The following AGBL3 variants were observed in gnomAD, a reference collection of about 807,000 sequenced individuals.
AGBL3 encodes the protein cytosolic carboxypeptidase 3.
In AGBL3, 68 loss-of-function variants were observed where a neutral mutation model predicts 94.5. That is an observed-to-expected ratio of 0.72 (90% CI 0.59 to 0.88). AGBL3 has a LOEUF of 0.88. Ranked by LOEUF, AGBL3 falls within the 40% of genes least tolerant of loss-of-function variation. The probability of loss-of-function intolerance (pLI) is 0.00; values close to 1 mark genes in which losing one functional copy is unlikely to be tolerated. For missense variants in AGBL3, 934 were observed against 1,103.8 expected (o/e 0.85, Z 2.18); for synonymous variants, 354 against 370.7 (o/e 0.95, Z 0.52).
intron 7 of AGBL3, 145 bp from the exon 8 acceptor site, chr7:135,037,273 T>C: frequency 1.8e-6 from 1 of 550,644 alleles, no homozygotes; most frequent in Non-Finnish European, 2.8e-6. Context: ...AAAAATTGTA[T>C]ATTAATAATA....
chr7:135,051,427 T>G (rs971890636), intron 11 of AGBL3, among the ~76,000 whole-genome samples: 1 of 152,130 alleles, frequency 6.6e-6, no homozygotes, highest in Non-Finnish European at 1.5e-5. Flanking sequence ...TTGACATGAC[T>G]CTCATAGTCT....
intron 5 of AGBL3, among the ~76,000 whole-genome samples, chr7:135,019,676 C>T (rs1814207966): frequency 6.6e-6 from 1 of 152,136 alleles, no homozygotes; most frequent in African/African-American, 2.4e-5. Context: ...TACTACAAGG[C>T]TACAGTAACC....
At chr7:135,090,510 C>G (rs2116904504) in intron 15 of AGBL3, among the ~76,000 whole-genome samples, 1 of 152,254 alleles carries the variant, frequency 6.6e-6, no homozygotes, top group South Asian at 2.1e-4. Flanking sequence ...ACCGATCCTC[C>G]AAGGGGAAAT....
In AGBL3 at chr7:135,070,309, G is replaced by A. The variant is rs1296626046; in HGVS notation, c.1909-6088G>A. On this transcript the variant is annotated intron_variant, in intron 12 of 16. Coordinates refer to ENST00000436302, the MANE Select transcript of AGBL3 (RefSeq NM_178563.4). ...TCTACCAGATGTACAAGGAGGAGCT[G>A]GTACCATTCCTTCTGAAACTATTCC... Among the ~76,000 whole-genome samples, 3 of 152,128 alleles carry A rather than the reference G, an allele frequency of 2.0e-5. No individual in the cohort carries two copies. The East Asian group carries it at 5.8e-4, about 29-fold the overall frequency.
intron 15 of AGBL3, among the ~76,000 whole-genome samples, chr7:135,111,735 A>C (rs560538470): frequency 1.1e-4 from 17 of 152,174 alleles, no homozygotes; most frequent in Non-Finnish European, 2.5e-4. Context: ...CATGTAGGAC[A>C]TCACCTCTGC....
At chr7:135,109,215 T>C (rs944287021) in intron 15 of AGBL3, among the ~76,000 whole-genome samples, 1 of 152,228 alleles carries the variant, frequency 6.6e-6, no homozygotes, top group Non-Finnish European at 1.5e-5. Flanking sequence ...AGAACCCTGG[T>C]TGGAGAACTG....
intron 4 of AGBL3, among the ~76,000 whole-genome samples, chr7:135,005,246 C>T (rs910593112): frequency 2.6e-5 from 4 of 151,690 alleles, no homozygotes; most frequent in Admixed American, 6.6e-5. Context: ...TTTTGAGGTA[C>T]ATTTTACAAA....
intron 15 of AGBL3, among the ~76,000 whole-genome samples, chr7:135,103,037 C>A (rs910746175): frequency 6.6e-6 from 1 of 152,100 alleles, no homozygotes; most frequent in Non-Finnish European, 1.5e-5. Context: ...TTGTTTTATA[C>A]CTATGTCATT....
rs1809473150 is a variant in AGBL3 at position 134,986,646 on chromosome 7, G to A, written c.-115G>A. 6.6e-6 allele frequency: 1 copy of A among 152,312 alleles called. No homozygotes were observed. Among genetic ancestry groups the A allele is most frequent in the Admixed American group, 6.5e-5 (1 of 15,292 alleles). The allele number at this position is 152,312 out of a possible 1,614,324, so 9.4% of individuals were successfully genotyped here. A position where few individuals can be genotyped will look rare whatever the true frequency, so the allele number is the denominator to read the frequency against. The stretch of plus-strand genomic sequence containing the variant: ...TTCTCCCCGCACGGAAGCGACGACT[G>A]GCCTGGCCAGAGGACTCGCGTGGGA... On this transcript the variant is annotated 5_prime_UTR_variant, in exon 1 of 17. Coordinates refer to ENST00000436302, the MANE Select transcript of AGBL3 (RefSeq NM_178563.4).
chr7:135,036,656 G>A (rs1409956967), intron 7 of AGBL3, among the ~76,000 whole-genome samples: 3 of 152,160 alleles, frequency 2.0e-5, no homozygotes, highest in Admixed American at 2.0e-4. Context: ...ATCTTTAAGT[G>A]CTACCGAAGC....
chr7:135,028,453 C>G (rs941879827), intron 5 of AGBL3, among the ~76,000 whole-genome samples: 15 of 152,194 alleles, frequency 9.9e-5, no homozygotes, highest in African/African-American at 3.6e-4. Flanking sequence ...TAAGAAACCA[C>G]TTTCTTTGCT....
intron 16 of AGBL3, among the ~76,000 whole-genome samples, chr7:135,134,178 A>G (rs1407827550): frequency 6.6e-6 from 1 of 152,116 alleles, no homozygotes. Flanking sequence ...ATATTGTTCT[A>G]TGGTTTTGCA....
chr7:135,053,991 AT>A (rs1236052793), intron 11 of AGBL3, among the ~76,000 whole-genome samples: 1 of 152,208 alleles, frequency 6.6e-6, no homozygotes, highest in East Asian at 1.9e-4. Context: ...TATATTAATT[AT>A]TTAAAAATTT....
At chr7:134,997,462 T>C (rs946864124) in intron 4 of AGBL3, among the ~76,000 whole-genome samples, 29 of 152,190 alleles carry the variant, frequency 1.9e-4, no homozygotes, top group Admixed American at 1.2e-3. Flanking sequence ...TGAGATAATA[T>C]GAAGTGCTGC....
chr7:135,015,858 C>CAAAAAAAAAA (rs780785475), intron 4 of AGBL3, among the ~76,000 whole-genome samples: 24 of 77,030 alleles, frequency 3.1e-4, no homozygotes, highest in South Asian at 4.7e-4. Flanking sequence ...ACTAAAAATA[C>CAAAAAAAAAA]AAAAAAAAGA....
chr7:135,062,024 TTTCCATTTCTTCATAGAAGACA>T (rs1818878891), intron 12 of AGBL3, among the ~76,000 whole-genome samples: 3 of 152,088 alleles, frequency 2.0e-5, no homozygotes, highest in Admixed American at 1.3e-4. Flanking sequence ...ACAAGATATC[TTTCCATTTCTTCATAGAAGACA>T]TTCCATGTCT....
At chr7:135,045,123 T>C (rs960742494) in intron 9 of AGBL3, among the ~76,000 whole-genome samples, 1 of 152,126 alleles carries the variant, frequency 6.6e-6, no homozygotes, top group Admixed American at 6.6e-5. Context: ...GATACTGATA[T>C]AACATTTGTG....
Position 135,034,306 on chromosome 7 carries a change from AT to A in AGBL3, c.716del (p.Met239SerfsTer21), listed in dbSNP as rs1274549204. 7.1e-6 allele frequency: 11 copies of A among 1,551,644 alleles called. No homozygotes were observed. The highest frequency in any genetic ancestry group is 9.6e-6 in the Non-Finnish European group (11 of 1,147,006). ...ACCTGCTAGTCTTTACAGTCGGGGT[AT>A]GCGCCCACTGTTCTATTCTGAAAAA... ...TKPASLYSRG[M>X]RPLFYSEKEA... On this transcript the variant is annotated frameshift_variant, in exon 7 of 17. Coordinates refer to ENST00000436302, the MANE Select transcript of AGBL3 (RefSeq NM_178563.4). LOFTEE classifies it high-confidence loss of function.
At position 135,065,918 on chromosome 7, in the gene AGBL3, T is replaced by C. The variant is rs1819249531; in HGVS notation, c.1908+6683T>C. Among the ~76,000 whole-genome samples, 5 of 151,982 alleles carry C rather than the reference T, an allele frequency of 3.3e-5. No homozygotes were observed. In the South Asian group the frequency reaches 8.3e-4, roughly 25 times the overall value. On this transcript the variant is annotated intron_variant, in intron 12 of 16. Coordinates refer to ENST00000436302, the MANE Select transcript of AGBL3 (RefSeq NM_178563.4). ...AGAAACAAAAATGGTGTTGGGAAACTGGATATATACATAAAACAGAATGAA... is the reference window on the plus strand; with the variant it reads ...AGAAACAAAAATGGTGTTGGGAAACCGGATATATACATAAAACAGAATGAA...
Sources: allele counts gnomAD v4.1 joint callset (sites outside exome capture counted in the v4.1 genomes callset), GRCh38; gene constraint gnomAD v4.1.1; transcripts MANE v1.5; gene names NCBI Gene and HGNC (gene_info 2026-07-23, HGNC 2026-07-21).